Variants in BAZ2B observed in about 807,000 individuals in gnomAD.
BAZ2B encodes the protein bromodomain adjacent to zinc finger domain 2B.
A neutral mutation model predicts 246.0 loss-of-function variants in BAZ2B; 91 were observed. That is an observed-to-expected ratio of 0.37 (90% CI 0.31 to 0.44). The LOEUF (loss-of-function observed/expected upper bound fraction) is 0.44, where lower values mean the gene tolerates loss of function less well. Ranked by LOEUF, BAZ2B falls within the 20% of genes least tolerant of loss-of-function variation. The pLI, the probability that BAZ2B is intolerant of heterozygous loss-of-function variation, is 1.00. For synonymous variants in BAZ2B, 855 were observed against 860.0 expected (o/e 0.99, Z 0.10); for missense variants, 2,332 against 2,533.7 (o/e 0.92, Z 1.71).
rs1236825452 is a variant in BAZ2B at position 159,319,000 on chromosome 2, T to C, written c.*1265A>G. On this transcript the variant is annotated 3_prime_UTR_variant, in exon 37 of 37. Transcript: ENST00000392783. ...AAAATTAGTTTGTAAAAGTCTTTTA[T>C]TGTATCCGTGCCACACATAGTGAAA... 6.5e-6 allele frequency: 1 copy of C among 152,672 alleles called. No homozygotes were observed. Among genetic ancestry groups the C allele is most frequent in the Non-Finnish European group, 1.5e-5 (1 of 68,050 alleles). The allele number at this position is 152,672 out of a possible 1,614,324, so 9.5% of individuals were successfully genotyped here.
chr2:159,426,273 A>C (rs2069846224), intron 13 of BAZ2B, among the ~76,000 whole-genome samples: 1 of 152,188 alleles, frequency 6.6e-6, no homozygotes, highest in Admixed American at 6.5e-5. Flanking sequence ...CACTGATATA[A>C]AACTAAAAAT....
chr2:159,378,303 A>G (rs2061629063), intron 25 of BAZ2B, among the ~76,000 whole-genome samples: 3 of 152,240 alleles, frequency 2.0e-5, no homozygotes, highest in African/African-American at 7.2e-5. Flanking sequence ...TTTCAAAAGT[A>G]TAATATTATG....
At chr2:159,596,919 G>T (rs1175068036) in intron 1 of BAZ2B, among the ~76,000 whole-genome samples, 2 of 152,100 alleles carry the variant, frequency 1.3e-5, no homozygotes, top group African/African-American at 4.8e-5. Flanking sequence ...CTCAGAAGTG[G>T]GACTGCTGGA....
At chr2:159,632,422 T>C in the BAZ2B span, among the ~76,000 whole-genome samples, 4 of 152,142 alleles carry the variant, frequency 2.6e-5, no homozygotes, top group East Asian at 7.7e-4. Context: ...AAAATAAATA[T>C]CTTCAAACAT....
chr2:159,453,363 T>C (rs1020921873), intron 4 of BAZ2B, among the ~76,000 whole-genome samples: 3 of 152,218 alleles, frequency 2.0e-5, no homozygotes, highest in African/African-American at 4.8e-5. Context: ...TTGCCTGAAT[T>C]ACTCTCTCCT....
intron 1 of BAZ2B, among the ~76,000 whole-genome samples, chr2:159,591,923 G>A (rs773221246): frequency 2.0e-5 from 3 of 151,954 alleles, no homozygotes; most frequent in East Asian, 1.9e-4. Context: ...AGCTTTAGAC[G>A]AGGCTGGGCA....
chr2:159,677,523 A>G, the BAZ2B span, among the ~76,000 whole-genome samples: 1 of 152,072 alleles, frequency 6.6e-6, no homozygotes, highest in Admixed American at 6.6e-5. Context: ...GGACAGAAAA[A>G]CCCAGGAGAA....
intron 3 of BAZ2B, chr2:159,463,103 G>A (rs192799292): frequency 9.0e-5 from 62 of 689,072 alleles, no homozygotes; most frequent in Middle Eastern, 2.5e-4. Flanking sequence ...GCAAATGCAC[G>A]TGCTGCCCTT....
chr2:159,344,304 G>A (rs2067338152), intron 31 of BAZ2B, among the ~76,000 whole-genome samples: 1 of 152,070 alleles, frequency 6.6e-6, no homozygotes, highest in Admixed American at 6.5e-5. Flanking sequence ...TTGGGAGGCT[G>A]AGGCGGGTGG....
the BAZ2B span, among the ~76,000 whole-genome samples, chr2:159,707,586 G>A: frequency 4.6e-5 from 7 of 152,134 alleles, no homozygotes; most frequent in South Asian, 1.2e-3. Context: ...CCAGCACTTT[G>A]GGAGGCTGAG....
At chr2:159,501,390 T>TGTCAAA (rs2081816847) in intron 2 of BAZ2B, among the ~76,000 whole-genome samples, 2 of 147,988 alleles carry the variant, frequency 1.4e-5, no homozygotes, top group Non-Finnish European at 3.0e-5. Context: ...TGAGATACTG[T>TGTCAAA]GTCAAATTCA....
At chr2:159,480,963 T>C (rs940831754) in intron 2 of BAZ2B, among the ~76,000 whole-genome samples, 2 of 152,090 alleles carry the variant, frequency 1.3e-5, no homozygotes, top group Admixed American at 6.6e-5. Flanking sequence ...GTACTAATTC[T>C]CTCATACTGG....
At chr2:159,471,283 T>C (rs1577441763) in intron 3 of BAZ2B, among the ~76,000 whole-genome samples, 2 of 152,032 alleles carry the variant, frequency 1.3e-5, no homozygotes, top group Non-Finnish European at 1.5e-5. Flanking sequence ...AACAGGGCAA[T>C]AGCCAGAAGA....
chr2:159,676,954 A>T, the BAZ2B span, among the ~76,000 whole-genome samples: 105 of 5,236 alleles, frequency 0.02, 1 homozygote, highest in African/African-American at 0.072. Context: ...TAGTTTTGTT[A>T]TATATATATA....
chr2:159,468,971 A>G (rs1446776983), intron 3 of BAZ2B, among the ~76,000 whole-genome samples: 1 of 151,810 alleles, frequency 6.6e-6, no homozygotes, highest in African/African-American at 2.4e-5. Flanking sequence ...GAATTGCTTG[A>G]ACACGGGAGG....
chr2:159,615,387 C>A (rs745315946), intron 1 of BAZ2B: 4 of 152,336 alleles, frequency 2.6e-5, no homozygotes, highest in African/African-American at 7.2e-5. Context: ...GAGACCAAGG[C>A]ACAGACCTTA....
In BAZ2B at chr2:159,430,864, A is replaced by T; in HGVS notation, c.2193T>A (p.Ser731=). 1 of 1,612,608 alleles carries T rather than the reference A, an allele frequency of 6.2e-7. No homozygotes were observed. The highest frequency in any genetic ancestry group is 1.7e-5 in the Admixed American group (1 of 59,828). ...ATAATAAAAATAAAGTGTAGGTACC[A>T]GAGTGTGGGCTTGAAGTAAGTGTGG... ...SSSTLTSSPH[S]GTSKRRRVTD... Residue 731 remains serine, a splice_region_variant and synonymous_variant, in exon 10 of 37, where the codon TCT becomes TCA. Coordinates refer to ENST00000392783, the MANE Select transcript of BAZ2B (RefSeq NM_013450.4).
At chr2:159,651,283 C>T in the BAZ2B span, among the ~76,000 whole-genome samples, 2 of 152,128 alleles carry the variant, frequency 1.3e-5, no homozygotes, top group African/African-American at 4.8e-5. Flanking sequence ...TATTACAAAC[C>T]TCATTTCAAT....
chr2:159,478,432 G>T, intron 3 of BAZ2B, 143 bp downstream of exon 3: 1 of 815,934 alleles, frequency 1.2e-6, no homozygotes, highest in Non-Finnish European at 1.8e-6. Context: ...TCCTGAAAAA[G>T]CAAAAAGACT....
Sources: gnomAD v4.1 joint callset for allele counts (sites outside exome capture counted in the v4.1 genomes callset) on GRCh38, gnomAD v4.1.1 for gene constraint, MANE v1.5 for transcripts, NCBI Gene and HGNC (gene_info 2026-07-23, HGNC 2026-07-21) for gene names.